Variants in CSMD1 observed in about 807,000 individuals in gnomAD.
CSMD1 encodes CUB and sushi domain-containing protein 1.
CSMD1 carries 213 observed loss-of-function variants against 417.5 expected under a neutral mutation model. That is an observed-to-expected ratio of 0.51 (90% CI 0.46 to 0.57). The LOEUF is 0.57. CSMD1 is among the 20% of genes least tolerant of loss of function. The pLI, the probability that CSMD1 is intolerant of heterozygous loss-of-function variation, is 0.00. For synonymous variants in CSMD1, 2,862 were observed against 1,736.8 expected (o/e 1.65, Z -16.11); for missense variants, 6,923 against 4,529.7 (o/e 1.53, Z -15.17).
intron 2 of CSMD1, among the ~76,000 whole-genome samples, chr8:4,486,904 A>G (rs1466000707): frequency 6.6e-6 from 1 of 152,124 alleles, no homozygotes; most frequent in African/African-American, 2.4e-5. Context: ...AGAAGGGGGA[A>G]TTAGAATTTA....
intron 37 of CSMD1, among the ~76,000 whole-genome samples, chr8:3,163,312 T>A (rs1820006870): frequency 6.6e-6 from 1 of 151,988 alleles, no homozygotes; most frequent in Non-Finnish European, 1.5e-5. Flanking sequence ...TTCTTGTACT[T>A]CACAACAACA....
intron 3 of CSMD1, among the ~76,000 whole-genome samples, chr8:4,180,540 C>G (rs1405836229): frequency 6.6e-6 from 1 of 151,352 alleles, no homozygotes; most frequent in African/African-American, 2.4e-5. Flanking sequence ...AACTAACCTG[C>G]ACATTGTGCA....
chr8:3,903,478 G>A (rs979160261), intron 5 of CSMD1, among the ~76,000 whole-genome samples: 1 of 152,058 alleles, frequency 6.6e-6, no homozygotes, highest in African/African-American at 2.4e-5. Flanking sequence ...AGTCTAAAGT[G>A]GTATTATCGA....
intron 5 of CSMD1, 58 bp downstream of exon 5, chr8:3,997,845 G>C (rs1815335591): frequency 2.1e-6 from 3 of 1,425,206 alleles, no homozygotes; most frequent in Non-Finnish European, 1.9e-6. Context: ...AGCTCGTTGG[G>C]GGAAAAAACG....
intron 19 of CSMD1, among the ~76,000 whole-genome samples, chr8:3,368,729 G>A (rs998055428): frequency 6.6e-6 from 1 of 152,094 alleles, no homozygotes; most frequent in Non-Finnish European, 1.5e-5. Flanking sequence ...TACATTTCCT[G>A]CACAAAATGC....
chr8:3,961,198 C>T (rs1169281087), intron 5 of CSMD1, among the ~76,000 whole-genome samples: 2 of 152,110 alleles, frequency 1.3e-5, no homozygotes, highest in East Asian at 3.9e-4. Flanking sequence ...GCATGAAAGT[C>T]ATTGTCTCAA....
chr8:4,902,461 C>G (rs1804950003), intron 1 of CSMD1, among the ~76,000 whole-genome samples: 1 of 151,746 alleles, frequency 6.6e-6, no homozygotes, highest in Non-Finnish European at 1.5e-5. Context: ...GGAAACTACT[C>G]TATAATCTTT....
At chr8:3,250,771 G>C (rs535489247) in intron 26 of CSMD1, among the ~76,000 whole-genome samples, 1 of 152,160 alleles carries the variant, frequency 6.6e-6, no homozygotes, top group African/African-American at 2.4e-5. Flanking sequence ...GGTGTGAGAC[G>C]ATATCTCATT....
chr8:4,991,758 T>C (rs1563946547), intron 1 of CSMD1, among the ~76,000 whole-genome samples: 4 of 152,288 alleles, frequency 2.6e-5, no homozygotes, highest in East Asian at 1.9e-4. Flanking sequence ...GCCGCCCCAA[T>C]GGCCAGAGCG....
At chr8:4,878,631 T>C (rs1803200045) in intron 1 of CSMD1, among the ~76,000 whole-genome samples, 1 of 151,984 alleles carries the variant, frequency 6.6e-6, no homozygotes, top group African/African-American at 2.4e-5. Flanking sequence ...AATTATGCTC[T>C]CTCAAAATTT....
intron 3 of CSMD1, among the ~76,000 whole-genome samples, chr8:4,315,797 T>G (rs55734956): frequency 0.22 from 23,130 of 107,144 alleles, 2,214 homozygotes; most frequent in East Asian, 0.39. Flanking sequence ...CATAAAGTAA[T>G]TCAAACTTTT....
chr8:3,269,161 C>T (rs970097301), intron 26 of CSMD1, among the ~76,000 whole-genome samples: 2 of 152,332 alleles, frequency 1.3e-5, no homozygotes, highest in East Asian at 1.9e-4. Context: ...ACGCATTCTT[C>T]GTATCTGTGT....
At chr8:4,690,545 C>T (rs1229464566) in intron 1 of CSMD1, among the ~76,000 whole-genome samples, 2 of 152,138 alleles carry the variant, frequency 1.3e-5, no homozygotes, top group Admixed American at 1.3e-4. Context: ...TGTCATGACA[C>T]ATCGCACTTC....
chr8:3,864,300 G>A (rs1256719083), intron 5 of CSMD1, among the ~76,000 whole-genome samples: 3 of 152,108 alleles, frequency 2.0e-5, no homozygotes, highest in Non-Finnish European at 4.4e-5. Flanking sequence ...TATTTGTTGA[G>A]CTCTTTTCCT....
chr8:3,017,964 T>A (rs1808999357), intron 52 of CSMD1, among the ~76,000 whole-genome samples: 1 of 152,156 alleles, frequency 6.6e-6, no homozygotes. Flanking sequence ...AGATTTTTCA[T>A]ACACTTATTC....
intron 3 of CSMD1, among the ~76,000 whole-genome samples, chr8:4,299,798 T>C (rs1797882385): frequency 6.6e-6 from 1 of 151,948 alleles, no homozygotes; most frequent in Middle Eastern, 3.4e-3. Context: ...GCCCGCCTAA[T>C]TTTTGTATTT....
intron 3 of CSMD1, among the ~76,000 whole-genome samples, chr8:4,330,053 A>C (rs995535746): frequency 7.2e-5 from 11 of 152,156 alleles, no homozygotes; most frequent in African/African-American, 2.2e-4. Flanking sequence ...TTTTCTTCAT[A>C]AATTATGCAG....
intron 1 of CSMD1, among the ~76,000 whole-genome samples, chr8:4,901,123 C>T (rs148236448): frequency 3.3e-4 from 50 of 152,340 alleles, no homozygotes; most frequent in African/African-American, 1.0e-3. Context: ...CAGTATTACA[C>T]AGCAATTGCA....
chr8:4,154,301 C>G (rs904971493), intron 3 of CSMD1, among the ~76,000 whole-genome samples: 2 of 152,202 alleles, frequency 1.3e-5, no homozygotes, highest in Admixed American at 1.3e-4. Flanking sequence ...TGTTTCTGTT[C>G]TCAGCTTCCT....
Sources: allele counts gnomAD v4.1 joint callset (sites outside exome capture counted in the v4.1 genomes callset), GRCh38; gene constraint gnomAD v4.1.1; transcripts MANE v1.5; gene names NCBI Gene and HGNC (gene_info 2026-07-23, HGNC 2026-07-21).